The following USP30 variants were observed in gnomAD, a reference collection of about 807,000 sequenced individuals.
The protein encoded by USP30 is ubiquitin carboxyl-terminal hydrolase 30.
USP30 carries 41 observed loss-of-function variants against 68.2 expected under a neutral mutation model. That is an observed-to-expected ratio of 0.60 (90% CI 0.47 to 0.78). The LOEUF (loss-of-function observed/expected upper bound fraction) is 0.78, where lower values mean the gene tolerates loss of function less well. USP30 is among the 30% of genes least tolerant of loss of function. The pLI, the probability that USP30 is intolerant of heterozygous loss-of-function variation, is 0.00. For missense variants in USP30, 522 were observed against 649.4 expected (o/e 0.80, Z 2.13); for synonymous variants, 229 against 253.7 (o/e 0.90, Z 0.93).
At chr12:109,039,430 C>T (rs2040546810) in intron 3 of USP30, among the ~76,000 whole-genome samples, 1 of 152,044 alleles carries the variant, frequency 6.6e-6, no homozygotes. Flanking sequence ...GTCATTTGAC[C>T]TTAGATAAAG....
chr12:109,046,886 G>A (rs1344752070), intron 3 of USP30, among the ~76,000 whole-genome samples: 3 of 151,708 alleles, frequency 2.0e-5, no homozygotes, highest in East Asian at 1.9e-4. Context: ...TAGTAGAGAC[G>A]GGGTTTCACC....
intron 1 of USP30, among the ~76,000 whole-genome samples, chr12:109,055,400 A>ATATATATTTTTTTTTT (rs1298811530): frequency 8.2e-5 from 2 of 24,468 alleles, no homozygotes; most frequent in African/African-American, 1.1e-4. Flanking sequence ...ATATATATAT[A>ATATATATTTTTTTTTT]TTTTTTTTTT....
chr12:109,077,390 A>G (rs764662962), intron 7 of USP30, among the ~76,000 whole-genome samples: 1 of 152,202 alleles, frequency 6.6e-6, no homozygotes, highest in East Asian at 1.9e-4. Flanking sequence ...GGATACAAGC[A>G]TATGTATTAT....
intron 11 of USP30, among the ~76,000 whole-genome samples, chr12:109,083,834 C>CT (rs112997894): frequency 0.013 from 1,934 of 152,180 alleles, 22 homozygotes; most frequent in South Asian, 0.041. Flanking sequence ...TCCTTTTGTT[C>CT]TTTTTATGAC....
intron 4 of USP30, among the ~76,000 whole-genome samples, chr12:109,068,992 G>A (rs1430931202): frequency 6.6e-6 from 1 of 152,206 alleles, no homozygotes; most frequent in Non-Finnish European, 1.5e-5. Context: ...CCAAAGGCTT[G>A]CTTTGTGCAA....
Position 109,071,549 on chromosome 12 carries a change from G to A in USP30, c.481-63G>A, listed in dbSNP as rs892585292. 1.2e-5 allele frequency: 17 copies of A among 1,399,660 alleles called. No individual in the cohort carries two copies. The African/African-American group carries it at 2.4e-4, about 20-fold the overall frequency. The allele number at this position is 1,399,660 out of a possible 1,614,324, so 86.7% of individuals were successfully genotyped here. A position where few individuals can be genotyped will look rare whatever the true frequency, so the allele number is the denominator to read the frequency against. ...CACTGTAGGGTGTCTGCCCGAGGTG[G>A]GTAGTTCTGATCTTGCTCTTGCCTC... is the stretch of plus-strand genomic sequence containing the variant. On this transcript the variant is annotated intron_variant, in intron 4 of 12. Coordinates refer to ENST00000257548, the MANE Select transcript of USP30 (RefSeq NM_032663.5).
chr12:109,056,908 T>A, intron 2 of USP30, 117 bp downstream of exon 2: 1 of 614,182 alleles, frequency 1.6e-6, no homozygotes, highest in Non-Finnish European at 2.6e-6. Context: ...TCTTTAAAAT[T>A]AGGATTTCAG....
At chr12:109,038,104 C>T (rs988382582) in intron 3 of USP30, among the ~76,000 whole-genome samples, 1 of 151,956 alleles carries the variant, frequency 6.6e-6, no homozygotes, top group African/African-American at 2.4e-5. Flanking sequence ...CTGCACAGAT[C>T]AACCTATCAC....
At chr12:109,052,539 T>C (rs1163316897), upstream of USP30, 2 of 722,298 alleles carry the variant, frequency 2.8e-6, no homozygotes, top group East Asian at 6.9e-5. Flanking sequence ...CCCTGGGAGC[T>C]GTCCTGCGGT....
chr12:109,066,684 C>A (rs973468866), intron 3 of USP30, among the ~76,000 whole-genome samples: 1 of 150,338 alleles, frequency 6.7e-6, no homozygotes, highest in Middle Eastern at 3.2e-3. Context: ...GACTCTGTTT[C>A]AAAAAAAAAG....
chr12:109,072,363 C>A lies in USP30; in HGVS notation c.625+13C>A. 1 of 1,611,226 alleles carries A rather than the reference C, an allele frequency of 6.2e-7. No individual in the cohort carries two copies. Among genetic ancestry groups the A allele is most frequent in the Non-Finnish European group, 8.5e-7 (1 of 1,177,628 alleles). On this transcript the variant is annotated intron_variant, in intron 6 of 12. Transcript: ENST00000257548. Reference sequence around the variant, plus strand: ...TGCCGCACAAGAGGTAGCTGTTTTCCATTGAAATATAACACATAAGATGTG... The same window carrying A: ...TGCCGCACAAGAGGTAGCTGTTTTCAATTGAAATATAACACATAAGATGTG...
intron 1 of USP30, 86 bp from the exon 2 acceptor site, chr12:109,056,596 T>G: frequency 1.1e-6 from 1 of 920,524 alleles, no homozygotes; most frequent in Non-Finnish European, 1.6e-6. Flanking sequence ...GTGGGTTATT[T>G]TGACAAAATG....
Position 109,052,693 on chromosome 12 carries a change from G to T in USP30, c.15G>T (p.Arg5=). Residue 5 remains arginine, a synonymous_variant, in exon 1 of 13, where the codon CGG becomes CGT. Transcript: ENST00000257548. ...GTGCGGCTGCAATGCTGAGCTCCCG[G>T]GCCGAGGCGGCGATGACCGCGGCCG... MLSS[R]AEAAMTAADR... The T allele has an allele frequency of 1.3e-6, 2 of 1,488,652 alleles. No homozygotes were observed. The highest frequency in any genetic ancestry group is 1.3e-5 in the South Asian group (1 of 77,244). 92.2% of individuals were successfully genotyped at this position (1,488,652 alleles called of 1,614,324 possible). A position where few individuals can be genotyped will look rare whatever the true frequency, so the allele number is the denominator to read the frequency against.
At chr12:109,074,977 C>G (rs1237502538) in intron 7 of USP30, among the ~76,000 whole-genome samples, 1 of 152,224 alleles carries the variant, frequency 6.6e-6, no homozygotes, top group East Asian at 1.9e-4. Flanking sequence ...GTTTATCTTT[C>G]TATATCTGGC....
At chr12:109,051,018 C>T (rs2040661426), upstream of USP30, among the ~76,000 whole-genome samples, 1 of 152,018 alleles carries the variant, frequency 6.6e-6, no homozygotes, top group South Asian at 2.1e-4. Flanking sequence ...ATTATCTCAT[C>T]AATAATTTTC....
intron 3 of USP30, among the ~76,000 whole-genome samples, chr12:109,042,056 C>A (rs2040569002): frequency 6.6e-6 from 1 of 150,992 alleles, no homozygotes; most frequent in African/African-American, 2.4e-5. Context: ...GAGAGATAAC[C>A]CAGAGTGACC....
Position 109,085,021 on chromosome 12 carries a change from C to T in USP30, c.1237C>T (p.Pro413Ser). 1.2e-6 allele frequency: 2 copies of T among 1,606,898 alleles called. No individual in the cohort carries two copies. Among genetic ancestry groups the T allele is most frequent in the Non-Finnish European group, 1.7e-6 (2 of 1,175,812 alleles). ...TGGCGCCTGCTCCCCATCTTTATTG[C>T]CAACGCTGTCAGCGCCGATGCCCTT... ...MNGACSPSLL[P>S]TLSAPMPFPL... The change falls in exon 12 of 13, where the codon CCA (proline) becomes TCA (serine). Residue 413 changes from proline to serine, a missense_variant. Coordinates refer to ENST00000257548, the MANE Select transcript of USP30 (RefSeq NM_032663.5).
chr12:109,050,123 G>A (rs2040645994), upstream of USP30, among the ~76,000 whole-genome samples: 1 of 152,136 alleles, frequency 6.6e-6, no homozygotes, highest in Admixed American at 6.5e-5. Flanking sequence ...GTGAAACCCT[G>A]TCTCTACTAA....
rs1216185152 is a variant in USP30 at position 109,071,644 on chromosome 12, G to A, written c.513G>A (p.Ser171=). 7 of 1,614,086 alleles carry A rather than the reference G, an allele frequency of 4.3e-6. No homozygotes were observed. Among genetic ancestry groups the A allele is most frequent in the African/African-American group, 1.3e-5 (1 of 75,012 alleles). Residue 171 remains serine (S), a synonymous_variant, in exon 5 of 13, where the codon TCG becomes TCA. Transcript: ENST00000257548. Reference sequence around the variant, plus strand: ...ACGAATTATTCCATGTCATTACCTCGTCATTGGAAGATGAGCGAGACCGCC... The same window carrying A: ...ACGAATTATTCCATGTCATTACCTCATCATTGGAAGATGAGCGAGACCGCC... ...DAHELFHVIT[S]SLEDERDRQP... is the part of the protein sequence containing the mutation.
Sources: gnomAD v4.1 joint callset for allele counts (sites outside exome capture counted in the v4.1 genomes callset) on GRCh38, gnomAD v4.1.1 for gene constraint, MANE v1.5 for transcripts, NCBI Gene and HGNC (gene_info 2026-07-23, HGNC 2026-07-21) for gene names.